The following SATB2 variants were observed in gnomAD, a reference collection of about 807,000 sequenced individuals.
The protein encoded by SATB2 is SATB homeobox 2.
A neutral mutation model predicts 73.4 loss-of-function variants in SATB2; 1 was observed. The observed-to-expected ratio is 0.01, with a 90% CI of 0.00 to 0.06. SATB2 has a LOEUF of 0.06. Ranked by LOEUF, SATB2 falls within the 10% of genes least tolerant of loss-of-function variation. SATB2 has a pLI of 1.00. For synonymous variants in SATB2, 397 were observed against 367.0 expected (o/e 1.08, Z -0.93); for missense variants, 459 against 945.8 (o/e 0.49, Z 6.75).
intron 2 of SATB2, among the ~76,000 whole-genome samples, chr2:199,448,590 T>A (rs932431256): frequency 3.3e-5 from 5 of 152,188 alleles, no homozygotes; most frequent in African/African-American, 1.2e-4. Context: ...CTTAGCACTT[T>A]GGAAAACATT....
chr2:199,308,200 A>C lies in SATB2; in HGVS notation c.1740+560T>G, dbSNP rs1004533899. Among the ~76,000 whole-genome samples the C allele has an allele frequency of 6.6e-6, 1 of 152,188 alleles. No homozygotes were observed. The highest frequency in any genetic ancestry group is 6.5e-5 in the Admixed American group (1 of 15,282). On this transcript the variant is annotated intron_variant, in intron 10 of 10. Transcript: ENST00000417098. This position sits in a 1 kb window ranked among gnomAD's most constrained non-coding sequence, Gnocchi z 4.6. ...GCCAACAAAACACGCAATCCAAAGG[A>C]AGGCAGATTTCTAAATGAGATGTAA...
Position 199,348,976 on chromosome 2 carries a change from G to T in SATB2, c.898C>A (p.Pro300Thr). ...QPIMSPGLLSPQLSPQLVRQQ... is the reference protein window; with the variant it reads ...QPIMSPGLLSTQLSPQLVRQQ... ...CTTACAAGTTGTGGACTAAGCTGGGGAGAAAGAAGACCAGGGCTCATGATG... is the reference window on the plus strand; with the variant it reads ...CTTACAAGTTGTGGACTAAGCTGGGTAGAAAGAAGACCAGGGCTCATGATG... Residue 300 changes from proline (P) to threonine (T), a missense_variant, in exon 7 of 11, where the codon CCC becomes ACC. Physicochemically the swap from Pro to Thr is conservative, Grantham distance 38 (BLOSUM62 -1). Around this residue, in one of 13 missense-constraint regions of SATB2, gnomAD observed 77 missense variants for 90.4 expected, o/e 0.85. Transcript: ENST00000417098. 6.2e-7 allele frequency: 1 copy of T among 1,614,152 alleles called. No individual in the cohort carries two copies.
chr2:199,433,104 A>G (rs1691551253), intron 3 of SATB2, among the ~76,000 whole-genome samples: 1 of 152,246 alleles, frequency 6.6e-6, no homozygotes, highest in Non-Finnish European at 1.5e-5. Flanking sequence ...ATGCAAAAAA[A>G]TCTATGATCG....
intron 3 of SATB2, among the ~76,000 whole-genome samples, chr2:199,415,159 G>A (rs921522404): frequency 2.0e-5 from 3 of 152,172 alleles, no homozygotes; most frequent in Non-Finnish European, 2.9e-5. Context: ...AGCAAGAAAC[G>A]CTCTATCCTT....
At position 199,377,095 on chromosome 2, in the gene SATB2, G is replaced by A. The variant is rs531324779; in HGVS notation, c.597+3269C>T. ...ATTTTAAAAATATTTAAAACACAGG[G>A]GCCAGGAGCAGTGGCTCACGCCTAT... On this transcript the variant is annotated intron_variant, in intron 5 of 10. Transcript: ENST00000417098. 2.4e-4 allele frequency among the ~76,000 whole-genome samples: 36 copies of A among 152,228 alleles called. No homozygotes were observed. In the South Asian group the frequency reaches 6.0e-3, roughly 25 times the overall value.
chr2:199,313,750 A>G (rs1177975534), intron 9 of SATB2, among the ~76,000 whole-genome samples: 1 of 152,202 alleles, frequency 6.6e-6, no homozygotes, highest in Non-Finnish European at 1.5e-5. Flanking sequence ...AAAAATTCCT[A>G]GTTTATCTTT....
intron 10 of SATB2, among the ~76,000 whole-genome samples, chr2:199,275,228 G>A (rs1299420517): frequency 6.6e-6 from 1 of 152,132 alleles, no homozygotes; most frequent in African/African-American, 2.4e-5. Flanking sequence ...ACTATACTTT[G>A]AAGTTACTAT....
At chr2:199,409,056 TC>T (rs1690725576) in intron 3 of SATB2, among the ~76,000 whole-genome samples, 1 of 152,164 alleles carries the variant, frequency 6.6e-6, no homozygotes. Context: ...TTAATGGTGA[TC>T]TATACTTCAG....
chr2:199,335,201 C>CT (rs1275681144), intron 7 of SATB2, among the ~76,000 whole-genome samples: 1 of 152,094 alleles, frequency 6.6e-6, no homozygotes, highest in Non-Finnish European at 1.5e-5. Context: ...TAAAACCTCT[C>CT]TTTTATTACA....
chr2:199,310,835 C>T (rs1208489475), intron 9 of SATB2, among the ~76,000 whole-genome samples: 1 of 152,212 alleles, frequency 6.6e-6, no homozygotes, highest in Admixed American at 6.5e-5. Context: ...GAGGACTGAA[C>T]TGCATTGTGG....
upstream of SATB2, chr2:199,467,346 G>C (rs1270644220): frequency 2.0e-5 from 3 of 152,296 alleles, no homozygotes; most frequent in Non-Finnish European, 2.9e-5. Flanking sequence ...TGGCGAAAAA[G>C]GGGGAGGCAA....
intron 9 of SATB2, among the ~76,000 whole-genome samples, chr2:199,323,356 G>C (rs1282745445): frequency 6.6e-6 from 1 of 151,970 alleles, no homozygotes; most frequent in East Asian, 1.9e-4. Flanking sequence ...CTGGGGCTGG[G>C]GAAAAGTGGT....
chr2:199,461,671 C>G (rs73067579), upstream of SATB2, among the ~76,000 whole-genome samples: 3,437 of 152,264 alleles, frequency 0.023, 128 homozygotes, highest in African/African-American at 0.077. Flanking sequence ...AGACTTTTCC[C>G]CTTTTCTTCA....
upstream of SATB2, chr2:199,469,914 G>A (rs745512572): frequency 1.3e-4 from 20 of 152,532 alleles, no homozygotes; most frequent in Middle Eastern, 3.4e-3. Context: ...GAGGGAAGGG[G>A]AGATGTGTGC....
At chr2:199,386,616 A>G (rs372783477) in intron 3 of SATB2, among the ~76,000 whole-genome samples, 1 of 152,198 alleles carries the variant, frequency 6.6e-6, no homozygotes, top group Non-Finnish European at 1.5e-5. Context: ...TTCACATTCT[A>G]TAAGTTTTGT....
chr2:199,293,531 CAAAG>C (rs761713235), intron 10 of SATB2, among the ~76,000 whole-genome samples: 2 of 151,996 alleles, frequency 1.3e-5, no homozygotes, highest in East Asian at 1.9e-4. Flanking sequence ...TTTAAATAAA[CAAAG>C]AAAATATGAG....
At chr2:199,319,050 C>T (rs1317179171) in intron 9 of SATB2, among the ~76,000 whole-genome samples, 3 of 149,978 alleles carry the variant, frequency 2.0e-5, no homozygotes, top group South Asian at 2.1e-4. Context: ...AAGGTCAGTA[C>T]ACAAAATCCA....
At chr2:199,324,600 C>A (rs4673313) in intron 8 of SATB2, among the ~76,000 whole-genome samples, 1 of 151,948 alleles carries the variant, frequency 6.6e-6, no homozygotes, top group African/African-American at 2.4e-5. Flanking sequence ...ACTCATATTG[C>A]GGTTTTATGT....
intron 3 of SATB2, among the ~76,000 whole-genome samples, chr2:199,414,510 G>A (rs1690917101): frequency 6.6e-6 from 1 of 152,102 alleles, no homozygotes. Flanking sequence ...CTCTCCTAAT[G>A]CATCTCTGAC....
Sources: allele counts gnomAD v4.1 joint callset (sites outside exome capture counted in the v4.1 genomes callset), GRCh38; gene constraint gnomAD v4.1.1; regional missense constraint gnomAD v4.1.1; non-coding constraint Gnocchi (gnomAD v3.1); transcripts MANE v1.5; gene names NCBI Gene and HGNC (gene_info 2026-07-23, HGNC 2026-07-21).